Variants in DAB1 observed in about 807,000 individuals in gnomAD.
The protein encoded by DAB1 is disabled homolog 1.
DAB1 carries 15 observed loss-of-function variants against 64.6 expected under a neutral mutation model. That is an observed-to-expected ratio of 0.23 (90% CI 0.16 to 0.36). DAB1 has a LOEUF of 0.36. DAB1 is among the 10% of genes least tolerant of loss of function. The pLI, the probability that DAB1 is intolerant of heterozygous loss-of-function variation, is 1.00. For missense variants in DAB1, 596 were observed against 706.7 expected, an observed-to-expected ratio of 0.84 and a Z score of 1.78; for synonymous variants, 235 against 251.9, an observed-to-expected ratio of 0.93 and a Z score of 0.64.
intron 3 of DAB1, among the ~76,000 whole-genome samples, chr1:58,358,223 T>C (rs1644129880): frequency 6.6e-6 from 1 of 152,190 alleles, no homozygotes; most frequent in South Asian, 2.1e-4. Flanking sequence ...AAGCTTGACC[T>C]TGGGGATGAG....
intron 3 of DAB1, among the ~76,000 whole-genome samples, chr1:58,439,825 T>C (rs967005552): frequency 6.6e-6 from 1 of 152,216 alleles, no homozygotes; most frequent in African/African-American, 2.4e-5. Flanking sequence ...TGGGGGTGAT[T>C]AGACCATCAC....
chr1:57,745,550 A>G (rs2101796476), intron 6 of DAB1, among the ~76,000 whole-genome samples: 1 of 152,238 alleles, frequency 6.6e-6, no homozygotes, highest in East Asian at 1.9e-4. Context: ...TAGGCAACTG[A>G]CCTACCTCCC....
chr1:57,232,164 T>TAAGGAGAC (rs1667724482), intron 2 of DAB1, among the ~76,000 whole-genome samples: 1 of 152,018 alleles, frequency 6.6e-6, no homozygotes, highest in Non-Finnish European at 1.5e-5. Context: ...ATACTTTAGG[T>TAAGGAGAC]TTTTATATGA....
chr1:57,618,480 G>A (rs1645816400), intron 7 of DAB1, among the ~76,000 whole-genome samples: 2 of 151,382 alleles, frequency 1.3e-5, no homozygotes, highest in Admixed American at 6.6e-5. Context: ...GCTGGGAAGT[G>A]TGTCAGTAAG....
intron 7 of DAB1, among the ~76,000 whole-genome samples, chr1:57,451,942 T>C (rs1391200104): frequency 6.6e-6 from 1 of 152,072 alleles, no homozygotes; most frequent in Non-Finnish European, 1.5e-5. Context: ...ATAACCTTAT[T>C]ACACAAAGTG....
chr1:58,462,268 A>G (rs1434875722), intron 3 of DAB1, among the ~76,000 whole-genome samples: 1 of 151,814 alleles, frequency 6.6e-6, no homozygotes, highest in East Asian at 1.9e-4. Context: ...CTGGGACTAC[A>G]GGCGCCCGCC....
intron 5 of DAB1, among the ~76,000 whole-genome samples, chr1:57,921,457 A>G (rs1472060627): frequency 6.6e-6 from 1 of 152,196 alleles, no homozygotes; most frequent in African/African-American, 2.4e-5. Context: ...CTAACTAGAC[A>G]TTAAGTTCCA....
At chr1:58,218,592 C>A (rs1658980651) in intron 4 of DAB1, among the ~76,000 whole-genome samples, 15 of 152,108 alleles carry the variant, frequency 9.9e-5, no homozygotes, top group Admixed American at 9.8e-4. Context: ...CTGTGGGTAC[C>A]TGCATCTGCT....
At chr1:57,628,231 A>G (rs189027795) in intron 7 of DAB1, among the ~76,000 whole-genome samples, 4 of 152,234 alleles carry the variant, frequency 2.6e-5, no homozygotes, top group African/African-American at 9.6e-5. Context: ...ATGTTTTAAG[A>G]TCAAAGTCAA....
chr1:57,695,624 G>A (rs1000317782), intron 6 of DAB1, among the ~76,000 whole-genome samples: 2 of 152,188 alleles, frequency 1.3e-5, no homozygotes, highest in Non-Finnish European at 2.9e-5. Flanking sequence ...GGAGAGCCGG[G>A]AGCGGTGGCT....
intron 3 of DAB1, among the ~76,000 whole-genome samples, chr1:58,500,038 A>C (rs781383337): frequency 1.8e-4 from 28 of 152,202 alleles, no homozygotes; most frequent in Non-Finnish European, 3.7e-4. Context: ...GAAAACAGAA[A>C]GCAAGACATT....
At chr1:57,906,815 T>G (rs1644557982) in intron 5 of DAB1, among the ~76,000 whole-genome samples, 1 of 152,180 alleles carries the variant, frequency 6.6e-6, no homozygotes, top group Admixed American at 6.5e-5. Context: ...CGTTCTAAAA[T>G]TCTGCCCTTC....
chr1:57,706,190 C>A (rs901973519), intron 6 of DAB1, among the ~76,000 whole-genome samples: 1 of 151,974 alleles, frequency 6.6e-6, no homozygotes, highest in African/African-American at 2.4e-5. Flanking sequence ...TAAATAAATC[C>A]ATTTTTTAAA....
At chr1:57,986,161 G>A (rs1295227988) in intron 5 of DAB1, among the ~76,000 whole-genome samples, 1 of 152,106 alleles carries the variant, frequency 6.6e-6, no homozygotes, top group Non-Finnish European at 1.5e-5. Context: ...AGGGGGAGGA[G>A]GAGAAGGAAT....
chr1:57,105,215 C>G (rs973817117), intron 4 of DAB1, among the ~76,000 whole-genome samples: 5 of 151,876 alleles, frequency 3.3e-5, no homozygotes, highest in African/African-American at 1.2e-4. Flanking sequence ...ACAGCAAACA[C>G]CCTAATTAAT....
At chr1:57,431,476 T>C (rs893379905) in intron 7 of DAB1, among the ~76,000 whole-genome samples, 1 of 152,228 alleles carries the variant, frequency 6.6e-6, no homozygotes, top group Non-Finnish European at 1.5e-5. Flanking sequence ...AAAATATTTC[T>C]ATGCAGCTTC....
At chr1:57,282,719 C>T (rs1018519799) in intron 2 of DAB1, among the ~76,000 whole-genome samples, 1 of 152,168 alleles carries the variant, frequency 6.6e-6, no homozygotes, top group Admixed American at 6.5e-5. Flanking sequence ...ACATTACTCT[C>T]TGCCTCCAAA....
chr1:57,243,599 C>T (rs974464669), intron 2 of DAB1, among the ~76,000 whole-genome samples: 4 of 152,212 alleles, frequency 2.6e-5, no homozygotes, highest in African/African-American at 9.7e-5. Context: ...CAACCCACTT[C>T]TGACTTCCAG....
chr1:58,211,568 T>C (rs773128237), intron 4 of DAB1, among the ~76,000 whole-genome samples: 2 of 152,268 alleles, frequency 1.3e-5, no homozygotes, highest in East Asian at 3.9e-4. Flanking sequence ...AGAAGGTTAA[T>C]ACAAAGAAGT....
Sources: gnomAD v4.1 joint callset for allele counts (sites outside exome capture counted in the v4.1 genomes callset) on GRCh38, gnomAD v4.1.1 for gene constraint, MANE v1.5 for transcripts, NCBI Gene and HGNC (gene_info 2026-07-23, HGNC 2026-07-21) for gene names.